Variants in CIITA observed in about 807,000 individuals in gnomAD.
CIITA encodes the protein class II major histocompatibility complex transactivator.
In CIITA, 72 loss-of-function variants were observed where a neutral mutation model predicts 115.1. That is an observed-to-expected ratio of 0.63 (90% CI 0.52 to 0.76). CIITA has a LOEUF of 0.76. Among genes scored for constraint, CIITA ranks in the 30% least tolerant of loss-of-function variants. The pLI is 0.00. For synonymous variants in CIITA, 763 were observed against 635.6 expected, an observed-to-expected ratio of 1.20 and a Z score of -3.02; for missense variants, 1,617 against 1,463.8, an observed-to-expected ratio of 1.10 and a Z score of -1.71.
intron 11 of CIITA, chr16:10,908,434 A>T (rs1163724204): frequency 1.8e-6 from 1 of 554,280 alleles, no homozygotes; most frequent in East Asian, 3.3e-5. Flanking sequence ...CCTGGGCTCA[A>T]ATTTGTTTTA....
intron 13 of CIITA, chr16:10,914,987 A>G (rs2039849597): frequency 1.8e-5 from 8 of 450,728 alleles, no homozygotes; most frequent in South Asian, 1.3e-4. Context: ...CTGGCTCCCT[A>G]CTTAGAGACA....
Position 10,942,333 on chromosome 16 carries a change from CCG to C in CIITA, n.1462_1463del. Reference sequence around the variant, plus strand: ...CCTCGCAGAGCCGGTGGGGATCCCACCGCGGCTCAGTGTCTAGGGCCGGTCCC... The same window carrying C: ...CCTCGCAGAGCCGGTGGGGATCCCACCGGCTCAGTGTCTAGGGCCGGTCCC... On this transcript the variant is annotated non_coding_transcript_exon_variant, in exon 2 of 2. Coordinates refer to the CIITA transcript ENST00000573379. This position sits in a 1 kb window ranked among gnomAD's most constrained non-coding sequence, Gnocchi z 5.0. 1 of 254,072 alleles carries C rather than the reference CCG, an allele frequency of 3.9e-6. No homozygotes were observed. The highest frequency in any genetic ancestry group is 7.6e-6 in the Non-Finnish European group (1 of 131,290). 15.7% of individuals were successfully genotyped at this position (254,072 alleles called of 1,614,324 possible). A position where few individuals can be genotyped will look rare whatever the true frequency, so the allele number is the denominator to read the frequency against.
chr16:10,870,536 T>A (rs554604646), intron 1 of CIITA, among the ~76,000 whole-genome samples: 196 of 152,246 alleles, frequency 1.3e-3, no homozygotes, highest in African/African-American at 4.5e-3. Flanking sequence ...GGTCACAACA[T>A]CTGAACAACA....
At position 10,879,201 on chromosome 16, in the gene CIITA, C is replaced by T. The variant is rs910992161; in HGVS notation, c.52+1819C>T. Among the ~76,000 whole-genome samples the T allele has an allele frequency of 3.9e-5, 6 of 152,174 alleles. No homozygotes were observed. Among genetic ancestry groups the T allele is most frequent in the African/African-American group, 1.4e-4 (6 of 41,432 alleles). On this transcript the variant is annotated intron_variant, in intron 1 of 19. Transcript: ENST00000324288. This position sits in a 1 kb window ranked among gnomAD's most constrained non-coding sequence, Gnocchi z 4.3. ...CCGGGAAACACCTCGTTTCCAGCAT[C>T]CCCGCAACGACTCTGCGCGGGAACC...
chr16:10,923,053 G>C lies in CIITA; in HGVS notation c.3318-175G>C. ...AGCTGCAGAACCATAAAGGAATCTC[G>C]GGCCTCCTAGGCTTCTCCTTTTCCC... On this transcript the variant is annotated intron_variant, in intron 18 of 19. Coordinates refer to ENST00000324288, the MANE Select transcript of CIITA (RefSeq NM_000246.4). This position sits in a 1 kb window ranked among gnomAD's most constrained non-coding sequence, Gnocchi z 5.2. 1 of 642,032 alleles carries C rather than the reference G, an allele frequency of 1.6e-6. No homozygotes were observed. Among genetic ancestry groups the C allele is most frequent in the South Asian group, 1.8e-5 (1 of 55,988 alleles). 39.8% of individuals were successfully genotyped at this position (642,032 alleles called of 1,614,324 possible). A position where few individuals can be genotyped will look rare whatever the true frequency, so the allele number is the denominator to read the frequency against.
At chr16:10,936,599 G>T (rs139061643), downstream of CIITA, 1 of 152,362 alleles carries the variant, frequency 6.6e-6, no homozygotes, top group East Asian at 1.9e-4. Flanking sequence ...CTTCATAACA[G>T]AGGTTTTTGT....
At chr16:10,921,347 A>T (rs1173290577) in intron 16 of CIITA, among the ~76,000 whole-genome samples, 1 of 152,192 alleles carries the variant, frequency 6.6e-6, no homozygotes, top group African/African-American at 2.4e-5. Context: ...GCTGGTTGTG[A>T]ATATGCTGCA....
chr16:10,902,879 A>G (rs2038884973), intron 8 of CIITA, 78 bp downstream of exon 8: 2 of 1,554,042 alleles, frequency 1.3e-6, no homozygotes, highest in African/African-American at 1.4e-5. Context: ...CCCATACTCC[A>G]TGCACTTGGC....
Position 10,935,204 on chromosome 16 carries a change from A to C in CIITA, c.*11349A>C, listed in dbSNP as rs1479419909. On this transcript the variant is annotated 3_prime_UTR_variant, in exon 20 of 20. Transcript: ENST00000324288. ...AATATGTCCAACTGCAAAGCATGTA[A>C]GTAACAATTTTAGAGGGTATACGGA... The C allele has an allele frequency of 6.6e-6, 1 of 152,264 alleles. No homozygotes were observed. Among genetic ancestry groups the C allele is most frequent in the African/African-American group, 2.4e-5 (1 of 41,466 alleles). The allele number at this position is 152,264 out of a possible 1,614,324, so 9.4% of individuals were successfully genotyped here.
chr16:10,907,911 C>A lies in CIITA; in HGVS notation c.2419C>A (p.Leu807Met). ...QPGTLRARQLLELLHCAHEAE... is the reference protein window; with the variant it reads ...QPGTLRARQLMELLHCAHEAE... ...GGGGACACTGCGGGCGCGGCAGCTG[C>A]TGGAGCTGCTGCACTGCGCCCACGA... is the stretch of plus-strand genomic sequence containing the variant. The change falls in exon 11 of 20, where the codon CTG becomes ATG. Residue 807 changes from leucine (L) to methionine (M), a missense_variant. Transcript: ENST00000324288. The surrounding 1 kb of genome is among the most constrained non-coding windows in gnomAD (Gnocchi z 5.0). 1 of 1,579,708 alleles carries A rather than the reference C, an allele frequency of 6.3e-7. No homozygotes were observed. The highest frequency in any genetic ancestry group is 8.6e-7 in the Non-Finnish European group (1 of 1,163,598).
chr16:10,939,081 G>C (rs1023500066), downstream of CIITA: 1 of 152,182 alleles, frequency 6.6e-6, no homozygotes, highest in Non-Finnish European at 1.5e-5. This position sits in a 1 kb window ranked among gnomAD's most constrained non-coding sequence, Gnocchi z 4.9. Flanking sequence ...AAAGTCTGTT[G>C]AATGAGTGAG....
In CIITA at chr16:10,933,002, A is replaced by C. The variant is rs2040864922; in HGVS notation, c.*9147A>C. The C allele has an allele frequency of 6.6e-6, 1 of 152,234 alleles. No homozygotes were observed. The highest frequency in any genetic ancestry group is 1.5e-5 in the Non-Finnish European group (1 of 68,066). 9.4% of individuals were successfully genotyped at this position (152,234 alleles called of 1,614,324 possible). On this transcript the variant is annotated 3_prime_UTR_variant, in exon 20 of 20. Transcript: ENST00000324288. The stretch of plus-strand genomic sequence containing the variant: ...AGCCTACAGGCCGCACCACGGATTG[A>C]ACAAGTTTCTTCTAAGGCATCAAGA...
intron 1 of CIITA, among the ~76,000 whole-genome samples, chr16:10,877,829 A>C (rs1362844841): frequency 6.6e-6 from 1 of 152,178 alleles, no homozygotes; most frequent in Non-Finnish European, 1.5e-5. Flanking sequence ...TTGAGCCCTC[A>C]GCAGCTGGGG....
At position 10,922,033 on chromosome 16, in the gene CIITA, T is replaced by C. The variant is rs556471007; in HGVS notation, c.3150-134T>C. On this transcript the variant is annotated intron_variant, in intron 16 of 19. Coordinates refer to ENST00000324288, the MANE Select transcript of CIITA (RefSeq NM_000246.4). Reference sequence around the variant, plus strand: ...TACTTGGCACAATGCCAGGCTCTGTTGTGCAATAAATATTGATTCCTTCCC... The same window carrying C: ...TACTTGGCACAATGCCAGGCTCTGTCGTGCAATAAATATTGATTCCTTCCC... The C allele has an allele frequency of 3.8e-6, 3 of 799,868 alleles. No homozygotes were observed. In the East Asian group the frequency reaches 7.3e-5, roughly 20 times the overall value. The allele number at this position is 799,868 out of a possible 1,614,324, so 49.5% of individuals were successfully genotyped here. A position where few individuals can be genotyped will look rare whatever the true frequency, so the allele number is the denominator to read the frequency against.
intron 1 of CIITA, among the ~76,000 whole-genome samples, chr16:10,868,711 A>C (rs996657631): frequency 1.3e-5 from 2 of 152,022 alleles, no homozygotes; most frequent in African/African-American, 4.8e-5. Flanking sequence ...TCACTGCCGG[A>C]CACTTCAGCC....
rs898988600 is a variant in CIITA at position 10,933,326 on chromosome 16, A to C, written c.*9471A>C. On this transcript the variant is annotated 3_prime_UTR_variant, in exon 20 of 20. Transcript: ENST00000324288. ...GCCTGGTTCAGGATGTGGCTTAAGTAAGAAGATGGCCCTGGCGTTTTACGC... is the reference window on the plus strand; with the variant it reads ...GCCTGGTTCAGGATGTGGCTTAAGTCAGAAGATGGCCCTGGCGTTTTACGC... 3.3e-5 allele frequency: 5 copies of C among 152,412 alleles called. No individual in the cohort carries two copies. In the East Asian group the frequency reaches 7.7e-4, roughly 24 times the overall value. 9.4% of individuals were successfully genotyped at this position (152,412 alleles called of 1,614,324 possible). A position where few individuals can be genotyped will look rare whatever the true frequency, so the allele number is the denominator to read the frequency against.
At position 10,906,643 on chromosome 16, in the gene CIITA, C is replaced by A. The variant is rs770306852; in HGVS notation, c.1151C>A (p.Thr384Asn). ...SSKSLERELA[T>N]PDWAERQLAQ... is the part of the protein sequence containing the mutation. ...AAGAGCCTGGAGCGGGAACTGGCCA[C>A]CCCGGACTGGGCAGAACGGCAGCTG... The change falls in exon 11 of 20, where the codon ACC becomes AAC. Residue 384 changes from threonine (T) to asparagine (N), a missense_variant. By Grantham distance (65) the Thr-to-Asn change is moderately conservative. Coordinates refer to ENST00000324288, the MANE Select transcript of CIITA (RefSeq NM_000246.4). 3 of 1,613,776 alleles carry A rather than the reference C, an allele frequency of 1.9e-6. No individual in the cohort carries two copies. Among genetic ancestry groups the A allele is most frequent in the South Asian group, 2.2e-5 (2 of 91,086 alleles).
intron 1 of CIITA, chr16:10,888,285 G>C (rs1278280975): frequency 4.6e-5 from 7 of 152,304 alleles, no homozygotes; most frequent in Non-Finnish European, 7.3e-5. Flanking sequence ...AGGAAACTGA[G>C]GCTCCAAGTG....
In CIITA at chr16:10,942,843, G is replaced by A. The variant is rs2041137614; in HGVS notation, n.1969G>A. On this transcript the variant is annotated non_coding_transcript_exon_variant, in exon 2 of 2. Coordinates refer to the CIITA transcript ENST00000573379. This position sits in a 1 kb window ranked among gnomAD's most constrained non-coding sequence, Gnocchi z 5.0. The stretch of plus-strand genomic sequence containing the variant: ...GGTCGGGGAGGGGCGACGGACGGTT[G>A]CCCTGGAAATTTTGGACATTCCCAA... The A allele has an allele frequency of 6.6e-6, 1 of 152,206 alleles. No individual in the cohort carries two copies. The highest frequency in any genetic ancestry group is 1.5e-5 in the Non-Finnish European group (1 of 68,038). The allele number at this position is 152,206 out of a possible 1,614,324, so 9.4% of individuals were successfully genotyped here. A position where few individuals can be genotyped will look rare whatever the true frequency, so the allele number is the denominator to read the frequency against.
Sources: gnomAD v4.1 joint callset for allele counts (sites outside exome capture counted in the v4.1 genomes callset) on GRCh38, gnomAD v4.1.1 for gene constraint, Gnocchi (gnomAD v3.1) non-coding constraint, MANE v1.5 for transcripts, NCBI Gene and HGNC (gene_info 2026-07-23, HGNC 2026-07-21) for gene names.